Variants in CELF4 observed in about 807,000 individuals in gnomAD.
CELF4 encodes the protein CUG-BP- and ETR-3-like factor 4.
A neutral mutation model predicts 59.9 loss-of-function variants in CELF4; 18 were observed. The ratio of observed to expected loss-of-function variants is 0.30; its 90% CI spans 0.21 to 0.45. The LOEUF (loss-of-function observed/expected upper bound fraction) is 0.45, where lower values mean the gene tolerates loss of function less well. Among genes scored for constraint, CELF4 ranks in the 20% least tolerant of loss-of-function variants. The probability of loss-of-function intolerance (pLI) is 1.00; values close to 1 mark genes in which losing one functional copy is unlikely to be tolerated. For missense variants in CELF4, 456 were observed against 689.0 expected (o/e 0.66, Z 3.79); for synonymous variants, 261 against 267.1 (o/e 0.98, Z 0.22).
intron 2 of CELF4, among the ~76,000 whole-genome samples, chr18:37,438,934 G>C (rs1333847542): frequency 6.6e-6 from 1 of 152,142 alleles, no homozygotes; most frequent in East Asian, 1.9e-4. Context: ...TATTCAGAAA[G>C]ATGGATGGCA....
intron 3 of CELF4, among the ~76,000 whole-genome samples, chr18:37,302,780 TCAGGAGG>T (rs2096143934): frequency 6.6e-6 from 1 of 152,132 alleles, no homozygotes; most frequent in Non-Finnish European, 1.5e-5. Flanking sequence ...GGGTGAGCTT[TCAGGAGG>T]CAGAGGGTGG....
chr18:37,487,792 C>T (rs1399411423), intron 1 of CELF4, among the ~76,000 whole-genome samples: 5 of 152,118 alleles, frequency 3.3e-5, no homozygotes, highest in African/African-American at 1.2e-4. Context: ...GAGGAAATGA[C>T]CATATTGTTT....
intron 2 of CELF4, among the ~76,000 whole-genome samples, chr18:37,468,174 G>A (rs2099813347): frequency 1.3e-5 from 2 of 152,190 alleles, no homozygotes; most frequent in Admixed American, 1.3e-4. Flanking sequence ...GCTGTCAGGG[G>A]GCCTGGGCCT....
chr18:37,336,506 C>T (rs2097775059), intron 2 of CELF4, among the ~76,000 whole-genome samples: 1 of 152,148 alleles, frequency 6.6e-6, no homozygotes, highest in Non-Finnish European at 1.5e-5. Context: ...CTTAGCATGG[C>T]CTCCCCTCCA....
At chr18:37,505,974 T>C (rs1414668659) in intron 1 of CELF4, among the ~76,000 whole-genome samples, 1 of 60,142 alleles carries the variant, frequency 1.7e-5, no homozygotes, top group Non-Finnish European at 4.1e-5. Context: ...GTGGCCTTGA[T>C]CTGCGGGCAA....
intron 1 of CELF4, among the ~76,000 whole-genome samples, chr18:37,550,696 T>G (rs1242038347): frequency 6.6e-6 from 1 of 151,882 alleles, no homozygotes; most frequent in Non-Finnish European, 1.5e-5. Flanking sequence ...GCAGGGGAGG[T>G]GGAGTTCTGC....
intron 3 of CELF4, among the ~76,000 whole-genome samples, chr18:37,319,334 T>A (rs1026360858): frequency 1.3e-5 from 2 of 152,170 alleles, no homozygotes; most frequent in African/African-American, 4.8e-5. Flanking sequence ...GCCTGAAGCA[T>A]CTCTAACCCT....
chr18:37,464,657 G>A (rs1369751466), intron 2 of CELF4, among the ~76,000 whole-genome samples: 1 of 152,080 alleles, frequency 6.6e-6, no homozygotes, highest in East Asian at 1.9e-4. Flanking sequence ...TTTGAATCTC[G>A]GAGCCCCTGG....
chr18:37,549,748 C>T (rs188336467), intron 1 of CELF4, among the ~76,000 whole-genome samples: 25 of 152,248 alleles, frequency 1.6e-4, no homozygotes, highest in African/African-American at 4.8e-4. Context: ...AATTTAACTT[C>T]TATGATACAG....
intron 1 of CELF4, among the ~76,000 whole-genome samples, chr18:37,509,285 T>C (rs933926268): frequency 6.6e-6 from 1 of 152,200 alleles, no homozygotes; most frequent in Admixed American, 6.5e-5. Context: ...AATATGTAGG[T>C]ATTTTGAGTT....
At chr18:37,252,321 T>C (rs531485954) in intron 12 of CELF4, among the ~76,000 whole-genome samples, 2 of 152,278 alleles carry the variant, frequency 1.3e-5, no homozygotes, top group Non-Finnish European at 2.9e-5. Flanking sequence ...CATCAACTGC[T>C]GTGACACTGG....
intron 2 of CELF4, among the ~76,000 whole-genome samples, chr18:37,372,109 G>A (rs1488320084): frequency 2.6e-5 from 4 of 152,158 alleles, no homozygotes; most frequent in African/African-American, 9.7e-5. Flanking sequence ...AATACCATTT[G>A]ACCCAGCCAT....
At chr18:37,476,076 C>T (rs1434064756) in intron 2 of CELF4, among the ~76,000 whole-genome samples, 2 of 152,222 alleles carry the variant, frequency 1.3e-5, no homozygotes, top group East Asian at 3.8e-4. Flanking sequence ...GAAGGTCATC[C>T]CCACTCGCAT....
intron 7 of CELF4, 107 bp downstream of exon 7, chr18:37,272,909 T>C (rs2091980389): frequency 3.5e-6 from 4 of 1,148,122 alleles, no homozygotes; most frequent in Non-Finnish European, 3.7e-6. Context: ...CCAGACACTA[T>C]GTGCTTTTGC....
At chr18:37,494,842 T>C (rs905009270) in intron 1 of CELF4, among the ~76,000 whole-genome samples, 3 of 151,634 alleles carry the variant, frequency 2.0e-5, no homozygotes, top group African/African-American at 7.3e-5. Flanking sequence ...AAGGGAGAGG[T>C]CCTCCCTCCC....
chr18:37,284,478 C>T (rs866570548), intron 3 of CELF4, among the ~76,000 whole-genome samples: 1 of 152,322 alleles, frequency 6.6e-6, no homozygotes. Context: ...CATGCCCTCC[C>T]TTGGCTCCCT....
chr18:37,525,880 G>A (rs1440703727), intron 1 of CELF4, among the ~76,000 whole-genome samples: 1 of 152,240 alleles, frequency 6.6e-6, no homozygotes. Flanking sequence ...AAGTGTGGCC[G>A]CGACCTGTAG....
At chr18:37,445,105 T>C (rs1403367136) in intron 2 of CELF4, among the ~76,000 whole-genome samples, 1 of 152,146 alleles carries the variant, frequency 6.6e-6, no homozygotes, top group Non-Finnish European at 1.5e-5. Context: ...GAACCTACCT[T>C]TTAACCAGCA....
chr18:37,322,746 C>A lies in CELF4; in HGVS notation c.370-865G>T, dbSNP rs75147331. 6.5e-3 allele frequency among the ~76,000 whole-genome samples: 996 copies of A among 152,354 alleles called. 5 individuals carry two copies. The highest frequency in any genetic ancestry group is 0.023 in the African/African-American group (964 of 41,580). On this transcript the variant is annotated intron_variant, in intron 2 of 12. Coordinates refer to ENST00000420428, the MANE Select transcript of CELF4 (RefSeq NM_020180.4). ...GCAACAAACGTGAGGAGGATCACGC[C>A]AGCGGATTCTGACCTGATGTCTTCA...
Sources: gnomAD v4.1 joint callset for allele counts (sites outside exome capture counted in the v4.1 genomes callset) on GRCh38, gnomAD v4.1.1 for gene constraint, MANE v1.5 for transcripts, NCBI Gene and HGNC (gene_info 2026-07-23, HGNC 2026-07-21) for gene names.